AOC2: variants seen among roughly 807,000 people sequenced by gnomAD.
AOC2 encodes the protein amine oxidase copper containing 2.
A neutral mutation model predicts 53.8 loss-of-function variants in AOC2; 57 were observed. The ratio of observed to expected loss-of-function variants is 1.06; its 90% CI spans 0.86 to 1.32. AOC2 has a LOEUF of 1.32. Ranked by LOEUF, AOC2 falls within the 40% of genes most tolerant of loss-of-function variation. AOC2 has a pLI of 0.00. For missense variants in AOC2, 1,008 were observed against 957.2 expected (o/e 1.05, Z -0.70); for synonymous variants, 404 against 399.0 (o/e 1.01, Z -0.15).
intron 1 of AOC2, 127 bp from the exon 2 acceptor site, chr17:42,848,959 A>G (rs1020578595): frequency 9.4e-7 from 1 of 1,061,444 alleles, no homozygotes; most frequent in Non-Finnish European, 1.3e-6. Flanking sequence ...GGCTCCCAGC[A>G]CAGTGTGCTC....
chr17:42,848,540 T>TATATAC, intron 1 of AOC2, among the ~76,000 whole-genome samples: 2 of 135,182 alleles, frequency 1.5e-5, no homozygotes, highest in African/African-American at 3.3e-5. Flanking sequence ...TATATATATA[T>TATATAC]ATATACATAT....
rs1249159286 is a variant in AOC2 at position 42,844,908 on chromosome 17, A to T, written c.282A>T (p.Ser94=). The T allele has an allele frequency of 6.2e-7, 1 of 1,612,862 alleles. No individual in the cohort carries two copies. Among genetic ancestry groups the T allele is most frequent in the Non-Finnish European group, 8.5e-7 (1 of 1,179,352 alleles). Residue 94 remains serine (S), a synonymous_variant, in exon 1 of 4, where the codon TCA becomes TCT. Transcript: ENST00000253799. ...QAQPSDNCIF[S]VELQLPPKAA... The stretch of plus-strand genomic sequence containing the variant: ...AGCCCTCGGACAACTGCATCTTCTC[A>T]GTGGAGCTGCAGCTGCCCCCCAAGG...
intron 1 of AOC2, among the ~76,000 whole-genome samples, chr17:42,847,073 G>A (rs1350861240): frequency 6.6e-6 from 1 of 152,236 alleles, no homozygotes; most frequent in Non-Finnish European, 1.5e-5. Context: ...GCACGTGCGT[G>A]CCTGCGTGTG....
intron 1 of AOC2, 21 bp from the exon 2 acceptor site, chr17:42,849,065 T>A: frequency 6.3e-7 from 1 of 1,595,226 alleles, no homozygotes. Context: ...GGAACTCATC[T>A]CCTTTCCCTC....
At position 42,845,666 on chromosome 17, in the gene AOC2, G is replaced by C. The variant is rs1374026963; in HGVS notation, c.1040G>C (p.Arg347Pro). 1 of 1,614,052 alleles carries C rather than the reference G, an allele frequency of 6.2e-7. No individual in the cohort carries two copies. Among genetic ancestry groups the C allele is most frequent in the African/African-American group, 1.3e-5 (1 of 74,912 alleles). ...AGCGGCCTGAGGATTTTTGATGTTC[G>C]GTTCCAGGGTGAGCGAATAGCCTAT... ...VFSGLRIFDV[R>P]FQGERIAYEV... The change falls in exon 1 of 4, where the codon CGG (arginine) becomes CCG (proline). Residue 347 changes from arginine to proline, a missense_variant. Arg to Pro is a moderately radical substitution (Grantham distance 103). Coordinates refer to ENST00000253799, the MANE Select transcript of AOC2 (RefSeq NM_009590.4).
At chr17:42,849,846 C>T (rs1272564226) in intron 3 of AOC2, 116 bp downstream of exon 3, 3 of 1,483,164 alleles carry the variant, frequency 2.0e-6, no homozygotes, top group Middle Eastern at 2.2e-4. Flanking sequence ...GATTCAGAGG[C>T]CATGGAGTTT....
Position 42,850,538 on chromosome 17 carries a change from A to T in AOC2, c.*190A>T. ...TTCATCTCTAAAGTGTTAAATTATA[A>T]AAATGATTTTTAAATATTCAAAGAA... On this transcript the variant is annotated 3_prime_UTR_variant, in exon 4 of 4. Coordinates refer to ENST00000253799, the MANE Select transcript of AOC2 (RefSeq NM_009590.4). 7.0e-6 allele frequency: 4 copies of T among 570,560 alleles called. No homozygotes were observed. The highest frequency in any genetic ancestry group is 1.1e-5 in the Non-Finnish European group (4 of 362,124). The allele number at this position is 570,560 out of a possible 1,614,324, so 35.3% of individuals were successfully genotyped here.
Position 42,844,959 on chromosome 17 carries a change from G to A in AOC2, c.333G>A (p.Arg111=), listed in dbSNP as rs755864838. The A allele has an allele frequency of 5.0e-6, 8 of 1,611,452 alleles. No homozygotes were observed. The South Asian group carries it at 5.5e-5, about 11-fold the overall frequency. The stretch of plus-strand genomic sequence containing the variant: ...CTGCAGCCCTGGCCCACCTGGACAG[G>A]GGGAGCCCCCCACCTGCCCGGGAGG... The part of the protein sequence containing the change: ...PKAAALAHLD[R]GSPPPAREAL... The change falls in exon 1 of 4, where the codon AGG becomes AGA. Residue 111 remains arginine (R), a synonymous_variant. Coordinates refer to ENST00000253799, the MANE Select transcript of AOC2 (RefSeq NM_009590.4).
In AOC2 at chr17:42,845,245, G is replaced by A. The variant is rs778704904; in HGVS notation, c.619G>A (p.Ala207Thr). The change falls in exon 1 of 4, where the codon GCC becomes ACC. Residue 207 changes from alanine to threonine, a missense_variant. Transcript: ENST00000253799. ...TGGCTCTACCCTGGCAGCTGTGCAT[G>A]CCACCCCTCGGGGCTTGCGCTCAGG... The part of the protein sequence containing the change: ...YNGSTLAAVH[A>T]TPRGLRSGDR... 6 of 1,614,104 alleles carry A rather than the reference G, an allele frequency of 3.7e-6. No individual in the cohort carries two copies. The highest frequency in any genetic ancestry group is 4.2e-6 in the Non-Finnish European group (5 of 1,180,036).
chr17:42,847,400 T>C (rs866418709), intron 1 of AOC2, among the ~76,000 whole-genome samples: 1 of 152,176 alleles, frequency 6.6e-6, no homozygotes, highest in African/African-American at 2.4e-5. Context: ...GGTACCTTCA[T>C]ATAGGTCTCG....
chr17:42,849,845 GC>G, intron 3 of AOC2, 115 bp downstream of exon 3: 1 of 1,490,988 alleles, frequency 6.7e-7, no homozygotes, highest in Non-Finnish European at 9.2e-7. Flanking sequence ...AGATTCAGAG[GC>G]CATGGAGTTT....
At chr17:42,846,281 G>C in intron 1 of AOC2, 67 bp downstream of exon 1, 6 of 1,447,210 alleles carry the variant, frequency 4.1e-6, no homozygotes, top group Non-Finnish European at 4.6e-6. Context: ...GGAAGGGAAG[G>C]GAATCTCCCA....
Position 42,845,443 on chromosome 17 carries a change from C to CG in AOC2, c.820dup (p.Glu274GlyfsTer3), listed in dbSNP as rs1567685103. 6.2e-7 allele frequency: 1 copy of CG among 1,614,152 alleles called. No individual in the cohort carries two copies. The highest frequency in any genetic ancestry group is 8.5e-7 in the Non-Finnish European group (1 of 1,180,030). On this transcript the variant is annotated frameshift_variant, in exon 1 of 4. Transcript: ENST00000253799. LOFTEE classifies it high-confidence loss of function. The stretch of plus-strand genomic sequence containing the variant: ...CTATGCAGACTTGGGCCAGTTGGAA[C>CG]GGGAGTTTAAGTCTGGCCGGTTGGA...
rs61450612 is a variant in AOC2, at chr17:42,848,065, C to CTTTTTTTT, written c.1589-1002_1589-995dup. The stretch of plus-strand genomic sequence containing the variant: ...AGTGCTGTGAGCTACCATGCCCGGC[C>CTTTTTTTT]TTTTTTTTTTTTTTTTTTTTTTTTT... On this transcript the variant is annotated intron_variant, in intron 1 of 3. Coordinates refer to ENST00000253799, the MANE Select transcript of AOC2 (RefSeq NM_009590.4). Among the ~76,000 whole-genome samples, 5 of 101,344 alleles carry CTTTTTTTT rather than the reference C, an allele frequency of 4.9e-5. 1 individual carries two copies. The highest frequency in any genetic ancestry group is 2.1e-4 in the African/African-American group (4 of 18,660). 66.5% of individuals were successfully genotyped at this position (101,344 alleles called of 152,430 possible).
intron 1 of AOC2, among the ~76,000 whole-genome samples, chr17:42,846,560 G>T (rs1214868596): frequency 2.0e-5 from 3 of 152,166 alleles, no homozygotes; most frequent in Admixed American, 6.5e-5. Flanking sequence ...GCTGGAGTTG[G>T]AGCACTTTGC....
chr17:42,845,806 C>T lies in AOC2; in HGVS notation c.1180C>T (p.Arg394Trp), dbSNP rs765912640. Residue 394 changes from arginine to tryptophan, a missense_variant, in exon 1 of 4, where the codon CGG (arginine) becomes TGG (tryptophan). Coordinates refer to ENST00000253799, the MANE Select transcript of AOC2 (RefSeq NM_009590.4). ...CGGCCGTAACAGCCGAGGCTTGGTG[C>T]GGGGAGTGGACTGCCCCTATCAAGC... ...GLGRNSRGLV[R>W]GVDCPYQATM... is the part of the protein sequence containing the mutation. 1.9e-5 allele frequency: 31 copies of T among 1,613,966 alleles called. No homozygotes were observed. The African/African-American group carries it at 2.1e-4, about 11-fold the overall frequency.
Position 42,850,388 on chromosome 17 carries a change from CT to C in AOC2, c.*44del, listed in dbSNP as rs1334656660. On this transcript the variant is annotated 3_prime_UTR_variant, in exon 4 of 4. Transcript: ENST00000253799. ...CGGGCGGCGTGGTTAGGCACATGTA[CT>C]TTTCCCTGTTTCTACTTTCTATTCT... 6.5e-7 allele frequency: 1 copy of C among 1,531,742 alleles called. No homozygotes were observed. The highest frequency in any genetic ancestry group is 2.3e-5 in the East Asian group (1 of 43,796). The allele number at this position is 1,531,742 out of a possible 1,614,324, so 94.9% of individuals were successfully genotyped here.
At position 42,850,484 on chromosome 17, in the gene AOC2, C is replaced by A; in HGVS notation, c.*136C>A. The A allele has an allele frequency of 2.9e-6, 3 of 1,052,290 alleles. No homozygotes were observed. Among genetic ancestry groups the A allele is most frequent in the South Asian group, 3.8e-5 (2 of 52,772 alleles). The allele number at this position is 1,052,290 out of a possible 1,614,324, so 65.2% of individuals were successfully genotyped here. On this transcript the variant is annotated 3_prime_UTR_variant, in exon 4 of 4. Coordinates refer to ENST00000253799, the MANE Select transcript of AOC2 (RefSeq NM_009590.4). ...TGTTCCTCTCACACGAAACCCCCAT[C>A]AGTCCCTTTGGTTAATTCTTACTTC...
At chr17:42,849,965 G>A in intron 3 of AOC2, 117 bp from the exon 4 acceptor site, 1 of 1,419,696 alleles carries the variant, frequency 7.0e-7, no homozygotes, top group Non-Finnish European at 9.6e-7. Context: ...CGTGTTGTAT[G>A]GGCATGAGGC....
Sources: gnomAD v4.1 joint callset for allele counts (sites outside exome capture counted in the v4.1 genomes callset) on GRCh38, gnomAD v4.1.1 for gene constraint, MANE v1.5 for transcripts, NCBI Gene and HGNC (gene_info 2026-07-23, HGNC 2026-07-21) for gene names.